GTF2A2: variants seen among roughly 807,000 people sequenced by gnomAD.
GTF2A2 encodes the protein general transcription factor IIA subunit 2.
GTF2A2 carries 9 observed loss-of-function variants against 14.3 expected under a neutral mutation model. That is an observed-to-expected ratio of 0.63 (90% CI 0.38 to 1.10). The LOEUF is 1.10. GTF2A2 is among the 50% of genes least tolerant of loss of function. The pLI is 0.01. For missense variants in GTF2A2, 90 were observed against 124.6 expected, an observed-to-expected ratio of 0.72 and a Z score of 1.32; for synonymous variants, 56 against 46.0, an observed-to-expected ratio of 1.22 and a Z score of -0.88.
At chr15:59,641,894 T>C (rs1033542921) in intron 4 of GTF2A2, among the ~76,000 whole-genome samples, 2 of 152,214 alleles carry the variant, frequency 1.3e-5, no homozygotes, top group African/African-American at 4.8e-5. Context: ...GCTTATTAAT[T>C]TGCTTATTTT....
At chr15:59,648,794 C>T (rs1037880522) in intron 3 of GTF2A2, among the ~76,000 whole-genome samples, 19 of 151,918 alleles carry the variant, frequency 1.3e-4, no homozygotes, top group African/African-American at 3.9e-4. Context: ...ATTAGCCAGG[C>T]GTGGTGGCGG....
At chr15:59,652,366 G>A in intron 1 of GTF2A2, 40 bp from the exon 2 acceptor site, 1 of 697,550 alleles carries the variant, frequency 1.4e-6, no homozygotes, top group Non-Finnish European at 2.5e-6. Context: ...AGATCATACT[G>A]TAACATCATA....
chr15:59,647,410 CA>C (rs2141961937), intron 3 of GTF2A2, among the ~76,000 whole-genome samples: 1 of 152,180 alleles, frequency 6.6e-6, no homozygotes, highest in Non-Finnish European at 1.5e-5. Context: ...TTATACTTTT[CA>C]AAGTGTAATT....
At chr15:59,643,200 C>G (rs1334950452) in intron 3 of GTF2A2, among the ~76,000 whole-genome samples, 2 of 151,010 alleles carry the variant, frequency 1.3e-5, no homozygotes, top group Non-Finnish European at 2.9e-5. Context: ...CTGCCTCAGC[C>G]TCCTGAGTAG....
At chr15:59,641,384 A>AAAT (rs1192920814) in intron 4 of GTF2A2, among the ~76,000 whole-genome samples, 2 of 152,108 alleles carry the variant, frequency 1.3e-5, no homozygotes, top group Non-Finnish European at 2.9e-5. Context: ...TGGAAATGCA[A>AAAT]AATATATAAA....
rs960150257 is a variant in GTF2A2 at position 59,638,173 on chromosome 15, G to C, written c.*959C>G. 1 of 152,058 alleles carries C rather than the reference G, an allele frequency of 6.6e-6. No individual in the cohort carries two copies. Among genetic ancestry groups the C allele is most frequent in the Non-Finnish European group, 1.5e-5 (1 of 68,036 alleles). The allele number at this position is 152,058 out of a possible 1,614,324, so 9.4% of individuals were successfully genotyped here. ...CCAGTCTCAGCCTCCTAAAGTACTGGGATTACTTACAGGTGTGAGCCACCA... is the reference window on the plus strand; with the variant it reads ...CCAGTCTCAGCCTCCTAAAGTACTGCGATTACTTACAGGTGTGAGCCACCA... On this transcript the variant is annotated 3_prime_UTR_variant, in exon 5 of 5. Coordinates refer to ENST00000396060, the MANE Select transcript of GTF2A2 (RefSeq NM_004492.3).
rs1566920696 is a variant in GTF2A2, at chr15:59,638,524, T to TC, written c.*607dup. On this transcript the variant is annotated 3_prime_UTR_variant, in exon 5 of 5. Transcript: ENST00000396060. ...GGGGACTATTTTGTTTGGGTTTTTT[T>TC]CCCCCTTCCTCATGTTACCTGGTCT... 3 of 152,302 alleles carry TC rather than the reference T, an allele frequency of 2.0e-5. No individual in the cohort carries two copies. Among genetic ancestry groups the TC allele is most frequent in the Non-Finnish European group, 4.4e-5 (3 of 68,152 alleles). The allele number at this position is 152,302 out of a possible 1,614,324, so 9.4% of individuals were successfully genotyped here. A position where few individuals can be genotyped will look rare whatever the true frequency, so the allele number is the denominator to read the frequency against.
chr15:59,643,508 T>C (rs1310761496), intron 3 of GTF2A2, among the ~76,000 whole-genome samples: 1 of 151,268 alleles, frequency 6.6e-6, no homozygotes, highest in East Asian at 2.0e-4. Context: ...TGAGCCACCA[T>C]GCCCAGGACA....
chr15:59,641,200 T>TTTTTTTTTA (rs1246519532), intron 4 of GTF2A2, among the ~76,000 whole-genome samples: 7 of 91,804 alleles, frequency 7.6e-5, no homozygotes, highest in African/African-American at 2.8e-4. Flanking sequence ...TTTTTTTTTT[T>TTTTTTTTTA]AAGGCTTAAG....
At chr15:59,639,198 G>A (rs1891297917) in intron 4 of GTF2A2, 41 bp from the exon 5 acceptor site, 1 of 1,216,812 alleles carries the variant, frequency 8.2e-7, no homozygotes. Context: ...TAAATTCAAG[G>A]AGCAATTTAA....
intron 4 of GTF2A2, among the ~76,000 whole-genome samples, chr15:59,641,269 A>C (rs1891416067): frequency 6.6e-6 from 1 of 151,822 alleles, no homozygotes; most frequent in Non-Finnish European, 1.5e-5. Flanking sequence ...TTTTGCAAAA[A>C]AAAGTTATAA....
chr15:59,654,609 C>T (rs1164931364), intron 1 of GTF2A2, among the ~76,000 whole-genome samples: 1 of 152,102 alleles, frequency 6.6e-6, no homozygotes, highest in African/African-American at 2.4e-5. Context: ...ACATATTTAC[C>T]AACTAGAACA....
At chr15:59,642,343 G>A (rs1891458447) in intron 3 of GTF2A2, 81 bp from the exon 4 acceptor site, 25 of 1,248,372 alleles carry the variant, frequency 2.0e-5, no homozygotes, top group Non-Finnish European at 2.8e-5. Flanking sequence ...AGAGATCTTA[G>A]CTACCAAGAA....
intron 4 of GTF2A2, among the ~76,000 whole-genome samples, chr15:59,641,774 G>GT (rs1891436841): frequency 6.6e-6 from 1 of 152,062 alleles, no homozygotes; most frequent in Non-Finnish European, 1.5e-5. Context: ...AAATATATGG[G>GT]TCTCCAGCAA....
intron 2 of GTF2A2, 156 bp downstream of exon 2, chr15:59,652,050 A>C (rs911391864): frequency 1.8e-6 from 1 of 569,766 alleles, no homozygotes; most frequent in Non-Finnish European, 3.1e-6. Context: ...ACAGTGTAAT[A>C]AACAAGAATT....
Position 59,638,173 on chromosome 15 carries a change from G to A in GTF2A2, c.*959C>T, listed in dbSNP as rs960150257. The stretch of plus-strand genomic sequence containing the variant: ...CCAGTCTCAGCCTCCTAAAGTACTG[G>A]GATTACTTACAGGTGTGAGCCACCA... On this transcript the variant is annotated 3_prime_UTR_variant, in exon 5 of 5. Coordinates refer to ENST00000396060, the MANE Select transcript of GTF2A2 (RefSeq NM_004492.3). 1 of 152,058 alleles carries A rather than the reference G, an allele frequency of 6.6e-6. No homozygotes were observed. The highest frequency in any genetic ancestry group is 6.6e-5 in the Admixed American group (1 of 15,258). 9.4% of individuals were successfully genotyped at this position (152,058 alleles called of 1,614,324 possible). A position where few individuals can be genotyped will look rare whatever the true frequency, so the allele number is the denominator to read the frequency against.
At chr15:59,642,825 G>A (rs1352202381) in intron 3 of GTF2A2, among the ~76,000 whole-genome samples, 1 of 152,092 alleles carries the variant, frequency 6.6e-6, no homozygotes, top group Non-Finnish European at 1.5e-5. Flanking sequence ...GGAGTGCAGT[G>A]GTGCGATCTT....
chr15:59,639,988 T>C (rs1385405842), intron 4 of GTF2A2: 1 of 152,314 alleles, frequency 6.6e-6, no homozygotes, highest in Non-Finnish European at 1.5e-5. Flanking sequence ...TGGCCTCAAG[T>C]GATCTACCCA....
intron 3 of GTF2A2, among the ~76,000 whole-genome samples, chr15:59,645,879 T>A (rs1470707028): frequency 6.6e-6 from 1 of 151,656 alleles, no homozygotes; most frequent in Non-Finnish European, 1.5e-5. Context: ...TACGTAAATA[T>A]AAAAATTAGA....
Sources: allele counts gnomAD v4.1 joint callset (sites outside exome capture counted in the v4.1 genomes callset), GRCh38; gene constraint gnomAD v4.1.1; transcripts MANE v1.5; gene names NCBI Gene and HGNC (gene_info 2026-07-23, HGNC 2026-07-21).